XRN1: variants seen among roughly 807,000 people sequenced by gnomAD.
XRN1 encodes the protein 5'-3' exoribonuclease 1.
XRN1 carries 67 observed loss-of-function variants against 222.3 expected under a neutral mutation model. The observed-to-expected ratio is 0.30, with a 90% CI of 0.25 to 0.37. The LOEUF is 0.37. Ranked by LOEUF, XRN1 falls within the 10% of genes least tolerant of loss-of-function variation. The pLI, the probability that XRN1 is intolerant of heterozygous loss-of-function variation, is 1.00. For synonymous variants in XRN1, 643 were observed against 652.4 expected (o/e 0.99, Z 0.22); for missense variants, 1,707 against 2,000.2 (o/e 0.85, Z 2.80).
At chr3:142,358,021 G>T (rs1349371011) in intron 30 of XRN1, among the ~76,000 whole-genome samples, 3 of 152,106 alleles carry the variant, frequency 2.0e-5, no homozygotes, top group Non-Finnish European at 4.4e-5. Flanking sequence ...ATGGGCAACA[G>T]TGTGAGAATC....
Position 142,447,154 on chromosome 3 carries a change from G to A in XRN1, c.75+716C>T. Among the ~76,000 whole-genome samples the A allele has an allele frequency of 6.6e-6, 1 of 152,144 alleles. No homozygotes were observed. The highest frequency in any genetic ancestry group is 1.9e-4 in the East Asian group (1 of 5,192). The stretch of plus-strand genomic sequence containing the variant: ...ACACATTAACGTTGTCCTGGGGTCA[G>A]TACATGCCAAATATTATTAGTAGTA... On this transcript the variant is annotated intron_variant, in intron 1 of 40. Transcript: ENST00000392981. The surrounding 1 kb of genome is among the most constrained non-coding windows in gnomAD (Gnocchi z 4.2).
At chr3:142,440,125 TTAAC>T (rs1028695775) in intron 1 of XRN1, among the ~76,000 whole-genome samples, 4 of 152,020 alleles carry the variant, frequency 2.6e-5, no homozygotes, top group Non-Finnish European at 5.9e-5. Context: ...GGCCAGGAGG[TTAAC>T]TGTCTCCTGG....
intron 20 of XRN1, among the ~76,000 whole-genome samples, chr3:142,390,032 CAGT>C (rs1467094066): frequency 2.6e-5 from 4 of 152,174 alleles, no homozygotes; most frequent in Non-Finnish European, 5.9e-5. Context: ...TTACTATGAC[CAGT>C]AGGTCTCAAG....
chr3:142,379,688 G>T (rs534318040), intron 23 of XRN1, among the ~76,000 whole-genome samples: 37 of 152,172 alleles, frequency 2.4e-4, no homozygotes, highest in Non-Finnish European at 4.9e-4. Context: ...TTCATTCTTA[G>T]CTGAAGAGAT....
At chr3:142,399,969 A>G (rs536522304) in intron 19 of XRN1, among the ~76,000 whole-genome samples, 1 of 152,166 alleles carries the variant, frequency 6.6e-6, no homozygotes, top group South Asian at 2.1e-4. Context: ...ACGACAAAAA[A>G]TAATTTATCT....
At position 142,432,869 on chromosome 3, in the gene XRN1, G is replaced by C. The variant is rs1269012714; in HGVS notation, c.100C>G (p.Leu34Val). 1 of 1,604,554 alleles carries C rather than the reference G, an allele frequency of 6.2e-7. No homozygotes were observed. The highest frequency in any genetic ancestry group is 8.5e-7 in the Non-Finnish European group (1 of 1,174,882). ...HQIPEFDNLYLDMNGIIHQCS... is the reference protein window; with the variant it reads ...HQIPEFDNLYVDMNGIIHQCS... ...TGATGTATAATTCCATTCATATCCA[G>C]GTACAAGTTGTCAAATTCAGGAATC... Residue 34 changes from leucine (L) to valine (V), a missense_variant, in exon 2 of 41, where the codon CTG becomes GTG. Leu to Val is a conservative substitution (Grantham distance 32). Coordinates refer to ENST00000392981, the MANE Select transcript of XRN1 (RefSeq NM_001282857.2).
chr3:142,423,685 T>G, intron 5 of XRN1, 43 bp from the exon 6 acceptor site: 1 of 1,472,012 alleles, frequency 6.8e-7, no homozygotes. Context: ...CTCCCATTTT[T>G]AATAATATTA....
chr3:142,412,115 C>T (rs144223614), intron 15 of XRN1, among the ~76,000 whole-genome samples: 15,661 of 152,162 alleles, frequency 0.1, 955 homozygotes, highest in Non-Finnish European at 0.14. Context: ...TGAGCCACCG[C>T]GCCCGGCCAT....
chr3:142,397,575 C>A, intron 19 of XRN1, 115 bp from the exon 20 acceptor site: 1 of 701,588 alleles, frequency 1.4e-6, no homozygotes, highest in Non-Finnish European at 2.1e-6. Flanking sequence ...TAGCAAAAAA[C>A]CCCACAACTG....
At chr3:142,341,358 G>C (rs2065989080) in intron 33 of XRN1, among the ~76,000 whole-genome samples, 1 of 151,948 alleles carries the variant, frequency 6.6e-6, no homozygotes, top group Admixed American at 6.6e-5. Context: ...TCACTAAAAG[G>C]AAGCTAGGAA....
chr3:142,408,311 G>A (rs2068430394), intron 15 of XRN1, among the ~76,000 whole-genome samples: 1 of 152,188 alleles, frequency 6.6e-6, no homozygotes, highest in Non-Finnish European at 1.5e-5. Context: ...GGCGCATCTG[G>A]CCTATACATG....
At chr3:142,334,773 C>CACAT (rs2065804403) in intron 34 of XRN1, among the ~76,000 whole-genome samples, 1 of 147,842 alleles carries the variant, frequency 6.8e-6, no homozygotes, top group Non-Finnish European at 1.5e-5. Flanking sequence ...TGTATACACA[C>CACAT]ACACACACAC....
chr3:142,374,494 T>C (rs536330719), intron 25 of XRN1, among the ~76,000 whole-genome samples: 221 of 152,224 alleles, frequency 1.5e-3, no homozygotes, highest in African/African-American at 4.5e-3. Context: ...TAATACTCCA[T>C]AAGGTCCAAC....
rs2065046956 is a variant in XRN1 at position 142,310,160 on chromosome 3, TA to T, written c.*1350del. 6.6e-6 allele frequency: 1 copy of T among 152,536 alleles called. No homozygotes were observed. The highest frequency in any genetic ancestry group is 6.5e-5 in the Admixed American group (1 of 15,268). 9.4% of individuals were successfully genotyped at this position (152,536 alleles called of 1,614,324 possible). A position where few individuals can be genotyped will look rare whatever the true frequency, so the allele number is the denominator to read the frequency against. ...TCCATTTAGTTTAATACCAGCATTT[TA>T]AAAAACAAGTAAGACTACTTTAAGA... On this transcript the variant is annotated 3_prime_UTR_variant, in exon 41 of 41. Transcript: ENST00000392981.
At chr3:142,432,225 TTAA>T (rs1559880788) in intron 2 of XRN1, among the ~76,000 whole-genome samples, 92 of 105,090 alleles carry the variant, frequency 8.8e-4, no homozygotes, top group African/African-American at 2.9e-3. Flanking sequence ...ATATATATAA[TTAA>T]TTATATATAT....
intron 34 of XRN1, 84 bp from the exon 35 acceptor site, chr3:142,333,173 T>C (rs1283405412): frequency 1.4e-6 from 2 of 1,427,052 alleles, no homozygotes; most frequent in Non-Finnish European, 1.9e-6. Context: ...ACAAAAATGG[T>C]CATTCGATTT....
intron 20 of XRN1, among the ~76,000 whole-genome samples, chr3:142,391,751 T>A (rs57311238): frequency 0.032 from 1,850 of 57,422 alleles, 32 homozygotes; most frequent in East Asian, 0.19. Flanking sequence ...AAAAAAAAAA[T>A]ATATATATAT....
intron 1 of XRN1, among the ~76,000 whole-genome samples, chr3:142,434,629 C>T (rs1273142487): frequency 1.3e-5 from 2 of 150,506 alleles, no homozygotes; most frequent in African/African-American, 4.9e-5. Flanking sequence ...GGTGTGGCAG[C>T]ACGTGTCTGT....
chr3:142,408,039 A>G (rs915658988), intron 15 of XRN1, among the ~76,000 whole-genome samples: 7 of 152,210 alleles, frequency 4.6e-5, no homozygotes, highest in Non-Finnish European at 8.8e-5. Context: ...CAGGTCATAT[A>G]TGGACATTCT....
Sources: gnomAD v4.1 joint callset for allele counts (sites outside exome capture counted in the v4.1 genomes callset) on GRCh38, gnomAD v4.1.1 for gene constraint, Gnocchi (gnomAD v3.1) non-coding constraint, MANE v1.5 for transcripts, NCBI Gene and HGNC (gene_info 2026-07-23, HGNC 2026-07-21) for gene names.